SLC24A2: variants seen among roughly 807,000 people sequenced by gnomAD.
SLC24A2 encodes solute carrier family 24 member 2.
SLC24A2 carries 36 observed loss-of-function variants against 62.0 expected under a neutral mutation model. The observed-to-expected ratio is 0.58, with a 90% confidence interval of 0.44 to 0.77. SLC24A2 has a LOEUF of 0.77. SLC24A2 is among the 30% of genes least tolerant of loss of function. The pLI is 0.00. For missense variants in SLC24A2, 846 were observed against 817.9 expected (o/e 1.03, Z -0.42); for synonymous variants, 358 against 294.0 (o/e 1.22, Z -2.23).
intron 2 of SLC24A2, among the ~76,000 whole-genome samples, chr9:19,764,493 T>C (rs940809899): frequency 2.6e-4 from 40 of 152,256 alleles, no homozygotes; most frequent in Non-Finnish European, 5.3e-4. Context: ...GAGATTCTGG[T>C]ACATTGTGTC....
the SLC24A2 span, among the ~76,000 whole-genome samples, chr9:19,890,275 CT>C: frequency 1.3e-5 from 2 of 152,140 alleles, no homozygotes; most frequent in Non-Finnish European, 2.9e-5. Flanking sequence ...ATGCCATATT[CT>C]ATTAGAAACA....
At chr9:19,590,752 A>G (rs1046305350) in intron 5 of SLC24A2, among the ~76,000 whole-genome samples, 1 of 152,120 alleles carries the variant, frequency 6.6e-6, no homozygotes, top group African/African-American at 2.4e-5. Flanking sequence ...CTCCTGTGGT[A>G]AGCCTACACC....
chr9:19,664,444 G>A (rs1019002561), intron 2 of SLC24A2, among the ~76,000 whole-genome samples: 1 of 152,208 alleles, frequency 6.6e-6, no homozygotes, highest in Non-Finnish European at 1.5e-5. Flanking sequence ...GATGTTCACA[G>A]TAACCCTGAA....
At chr9:19,979,961 AAAGGAC>A in the SLC24A2 span, among the ~76,000 whole-genome samples, 1 of 152,226 alleles carries the variant, frequency 6.6e-6, no homozygotes, top group Admixed American at 6.5e-5. Context: ...GATTGCCTGC[AAAGGAC>A]ACAGAAATAG....
chr9:20,068,121 TG>T, the SLC24A2 span, among the ~76,000 whole-genome samples: 2 of 143,418 alleles, frequency 1.4e-5, no homozygotes, highest in Non-Finnish European at 3.0e-5. Flanking sequence ...TGGAGTGCAG[TG>T]GTGCAATCTT....
At chr9:20,279,235 G>C in the SLC24A2 span, among the ~76,000 whole-genome samples, 1 of 152,154 alleles carries the variant, frequency 6.6e-6, no homozygotes, top group African/African-American at 2.4e-5. Context: ...AGCATATATT[G>C]TTTATTTAAA....
At chr9:20,195,235 T>A in the SLC24A2 span, among the ~76,000 whole-genome samples, 1 of 152,188 alleles carries the variant, frequency 6.6e-6, no homozygotes, top group African/African-American at 2.4e-5. Context: ...CTTCAATGTA[T>A]ATGACTGTAT....
chr9:19,780,912 C>G (rs1025970965), intron 2 of SLC24A2, among the ~76,000 whole-genome samples: 7 of 129,630 alleles, frequency 5.4e-5, no homozygotes, highest in African/African-American at 1.7e-4. Flanking sequence ...ACATTCCAAA[C>G]TATTAAAGGG....
chr9:19,584,287 AAAAAAACAAACAAAAAACAAAACAAAAC>A (rs1836298170), intron 5 of SLC24A2, among the ~76,000 whole-genome samples: 2 of 144,726 alleles, frequency 1.4e-5, no homozygotes, highest in South Asian at 2.4e-4. Flanking sequence ...AAAAAAAAAA[AAAAAAACAAACAAAAAACAAAACAAAAC>A]AAACAAACAA....
the SLC24A2 span, among the ~76,000 whole-genome samples, chr9:20,290,502 G>C: frequency 3.2e-4 from 49 of 152,322 alleles, no homozygotes; most frequent in African/African-American, 1.1e-3. Context: ...TTTGGCCGCG[G>C]GTCTGTAGAG....
chr9:19,926,667 G>C, the SLC24A2 span: 1 of 152,214 alleles, frequency 6.6e-6, no homozygotes, highest in East Asian at 1.9e-4. Flanking sequence ...GAGAGAAAAA[G>C]AAGATTCCCC....
the SLC24A2 span, among the ~76,000 whole-genome samples, chr9:20,121,221 G>C: frequency 6.6e-6 from 1 of 151,118 alleles, no homozygotes; most frequent in African/African-American, 2.4e-5. Flanking sequence ...TAAATGGCAT[G>C]TTAGCAATAT....
chr9:19,784,974 T>A (rs1446331654), intron 2 of SLC24A2, among the ~76,000 whole-genome samples: 2 of 152,152 alleles, frequency 1.3e-5, no homozygotes, highest in African/African-American at 4.8e-5. Context: ...AAATATCTGT[T>A]TTTTGCATAT....
the SLC24A2 span, among the ~76,000 whole-genome samples, chr9:20,214,247 G>A: frequency 1.3e-5 from 2 of 152,168 alleles, no homozygotes; most frequent in Non-Finnish European, 2.9e-5. Flanking sequence ...TAAAGTTTCA[G>A]TCTAGCAAAA....
chr9:19,748,094 G>A lies in SLC24A2; in HGVS notation c.930+37843C>T, dbSNP rs558144336. ...CTGCAAAATTCGTAAGTTCACTAAA[G>A]AGATATGCAATAGTGAATATCATGT... is the stretch of plus-strand genomic sequence containing the variant. On this transcript the variant is annotated intron_variant, in intron 2 of 10. Coordinates refer to ENST00000341998, the MANE Select transcript of SLC24A2 (RefSeq NM_020344.4). Among the ~76,000 whole-genome samples the A allele has an allele frequency of 3.9e-5, 6 of 152,258 alleles. No homozygotes were observed. The South Asian group carries it at 1.2e-3, about 32-fold the overall frequency.
chr9:19,910,289 C>A, the SLC24A2 span, among the ~76,000 whole-genome samples: 1 of 152,110 alleles, frequency 6.6e-6, no homozygotes, highest in Non-Finnish European at 1.5e-5. Flanking sequence ...CCAAATCCAG[C>A]TGATATGATC....
At position 19,512,735 on chromosome 9, in the gene SLC24A2, A is replaced by AT. The variant is rs1832763622; in HGVS notation, c.*3417dup. On this transcript the variant is annotated 3_prime_UTR_variant, in exon 11 of 11. Coordinates refer to ENST00000341998, the MANE Select transcript of SLC24A2 (RefSeq NM_020344.4). ...GAAATCATTTGCGTGCAACTCATTT[A>AT]TTTTAGATTGATTAGTACAATGTTG... 6.6e-6 allele frequency: 1 copy of AT among 152,160 alleles called. No individual in the cohort carries two copies. Among genetic ancestry groups the AT allele is most frequent in the Admixed American group, 6.6e-5 (1 of 15,266 alleles). The allele number at this position is 152,160 out of a possible 1,614,324, so 9.4% of individuals were successfully genotyped here. A position where few individuals can be genotyped will look rare whatever the true frequency, so the allele number is the denominator to read the frequency against.
Position 19,513,199 on chromosome 9 carries a change from T to G in SLC24A2, c.*2954A>C, listed in dbSNP as rs1212443489. ...ATGTATATATATATATATGTATATA[T>G]TTATATATGTATATACACAGGCATG... On this transcript the variant is annotated 3_prime_UTR_variant, in exon 11 of 11. Coordinates refer to ENST00000341998, the MANE Select transcript of SLC24A2 (RefSeq NM_020344.4). 2 of 124,724 alleles carry G rather than the reference T, an allele frequency of 1.6e-5. No homozygotes were observed. Among genetic ancestry groups the G allele is most frequent in the Admixed American group, 1.6e-4 (2 of 12,290 alleles). The allele number at this position is 124,724 out of a possible 1,614,324, so 7.7% of individuals were successfully genotyped here.
the SLC24A2 span, among the ~76,000 whole-genome samples, chr9:20,200,019 C>T: frequency 6.6e-6 from 1 of 151,714 alleles, no homozygotes; most frequent in Admixed American, 6.6e-5. Flanking sequence ...GCGTGAGACA[C>T]CGCGACCAGC....
Sources: gnomAD v4.1 joint callset for allele counts (sites outside exome capture counted in the v4.1 genomes callset) on GRCh38, gnomAD v4.1.1 for gene constraint, MANE v1.5 for transcripts, NCBI Gene and HGNC (gene_info 2026-07-23, HGNC 2026-07-21) for gene names.